ERICH6B: variants seen among roughly 807,000 people sequenced by gnomAD.
ERICH6B encodes the protein glutamate rich 6B.
Under a neutral mutation model 80.0 loss-of-function variants are expected in ERICH6B, and 69 were observed. That is an observed-to-expected ratio of 0.86 (90% CI 0.71 to 1.05). The LOEUF (loss-of-function observed/expected upper bound fraction) is 1.05, where lower values mean the gene tolerates loss of function less well. Among genes scored for constraint, ERICH6B ranks in the 50% least tolerant of loss-of-function variants. The pLI is 0.00. For missense variants in ERICH6B, 754 were observed against 796.1 expected, an observed-to-expected ratio of 0.95 and a Z score of 0.64; for synonymous variants, 283 against 291.9, an observed-to-expected ratio of 0.97 and a Z score of 0.31.
At chr13:45,599,604 GACTT>G (rs2138026913) in intron 2 of ERICH6B, among the ~76,000 whole-genome samples, 1 of 152,228 alleles carries the variant, frequency 6.6e-6, no homozygotes, top group East Asian at 1.9e-4. Context: ...GCAGAGAGAG[GACTT>G]ACTTATTATT....
chr13:45,592,798 T>C (rs1312111790), intron 3 of ERICH6B, among the ~76,000 whole-genome samples: 1 of 152,230 alleles, frequency 6.6e-6, no homozygotes, highest in East Asian at 1.9e-4. Context: ...CTCTACTGCC[T>C]TTCTTCTTGT....
chr13:45,555,806 C>T (rs531683835), intron 11 of ERICH6B, among the ~76,000 whole-genome samples: 14 of 152,094 alleles, frequency 9.2e-5, no homozygotes, highest in African/African-American at 3.1e-4. Flanking sequence ...GAAGCATTTG[C>T]TTCAGAAGCT....
intron 5 of ERICH6B, among the ~76,000 whole-genome samples, chr13:45,581,484 C>T (rs1009665659): frequency 6.6e-6 from 1 of 152,206 alleles, no homozygotes; most frequent in Admixed American, 6.5e-5. Context: ...TCAAGTCATT[C>T]TCCTGCCTCA....
intron 8 of ERICH6B, among the ~76,000 whole-genome samples, chr13:45,572,809 C>T (rs1875230402): frequency 6.6e-6 from 1 of 152,092 alleles, no homozygotes; most frequent in Non-Finnish European, 1.5e-5. Flanking sequence ...AAGACAACAC[C>T]AACTGGCCAG....
chr13:45,565,446 G>A (rs1238838112), intron 9 of ERICH6B, among the ~76,000 whole-genome samples: 1 of 152,198 alleles, frequency 6.6e-6, no homozygotes, highest in African/African-American at 2.4e-5. Flanking sequence ...GAGCATGCCT[G>A]CACCACAGGC....
rs34244794 is a variant in ERICH6B at position 45,577,276 on chromosome 13, C to CTTTTTTTTTTTTTTT, written c.962-2361_962-2347dup. ...TCTCCTGGACTGATTAAAAACAAAT[C>CTTTTTTTTTTTTTTT]TTTTTTTTTTTTTTTTTTTTTTTTT... On this transcript the variant is annotated intron_variant, in intron 7 of 14. Coordinates refer to ENST00000298738, the MANE Select transcript of ERICH6B (RefSeq NM_182542.3). 1.0e-4 allele frequency among the ~76,000 whole-genome samples: 9 copies of CTTTTTTTTTTTTTTT among 86,084 alleles called. 2 individuals carry two copies. Among genetic ancestry groups the CTTTTTTTTTTTTTTT allele is most frequent in the South Asian group, 5.4e-4 (1 of 1,836 alleles). The allele number at this position is 86,084 out of a possible 152,430, so 56.5% of individuals were successfully genotyped here.
chr13:45,543,749 A>G (rs1873879766), intron 14 of ERICH6B, among the ~76,000 whole-genome samples: 1 of 152,206 alleles, frequency 6.6e-6, no homozygotes, highest in African/African-American at 2.4e-5. Context: ...CAGCCCTAAG[A>G]AACAAATACA....
At chr13:45,544,096 G>A (rs1293932696) in intron 14 of ERICH6B, among the ~76,000 whole-genome samples, 1 of 152,190 alleles carries the variant, frequency 6.6e-6, no homozygotes, top group African/African-American at 2.4e-5. Context: ...TTTTGAGATA[G>A]GGTCTGGCTC....
Position 45,544,919 on chromosome 13 carries a change from C to T in ERICH6B, c.1713G>A (p.Trp571Ter), listed in dbSNP as rs901555360. 1.3e-6 allele frequency: 2 copies of T among 1,551,702 alleles called. No homozygotes were observed. The highest frequency in any genetic ancestry group is 1.4e-5 in the African/African-American group (1 of 73,162). ...PKDKRQKAWN[W>*]WNLNIHVHAP... ...CGTGGACATGGATGTTCAGATTCCA[C>T]CAGTTCCAGGCCTTCTGGCGTTTGT... is the stretch of plus-strand genomic sequence containing the variant. The change falls in exon 14 of 15, where the codon TGG (tryptophan) becomes TGA (stop). Residue 571 changes from tryptophan to a stop codon, truncating the protein, a stop_gained. Transcript: ENST00000298738. LOFTEE classifies it high-confidence loss of function.
chr13:45,567,256 G>A (rs553919076), intron 9 of ERICH6B, among the ~76,000 whole-genome samples: 91 of 152,270 alleles, frequency 6.0e-4, no homozygotes, highest in African/African-American at 1.9e-3. Context: ...ATGAGACTTC[G>A]GACTGTAAAC....
intron 11 of ERICH6B, among the ~76,000 whole-genome samples, chr13:45,559,904 A>G (rs183384911): frequency 6.6e-6 from 1 of 152,302 alleles, no homozygotes; most frequent in East Asian, 1.9e-4. Context: ...ATATCTGTTA[A>G]GTCCATTTGT....
intron 11 of ERICH6B, among the ~76,000 whole-genome samples, chr13:45,554,733 TAA>T: frequency 6.6e-6 from 1 of 152,124 alleles, no homozygotes; most frequent in Non-Finnish European, 1.5e-5. Flanking sequence ...AAGTGCAGAG[TAA>T]AGAGACTGTG....
chr13:45,606,547 ATTTTTTT>A lies in ERICH6B; in HGVS notation c.-59+1010_-59+1016del, dbSNP rs71074722. On this transcript the variant is annotated intron_variant, in intron 2 of 14. Coordinates refer to ENST00000298738, the MANE Select transcript of ERICH6B (RefSeq NM_182542.3). Reference sequence around the variant, plus strand: ...TATATATATATATATATATATATATATTTTTTTTTTTTTTTTTTTTTTTGGAGACAGA... The same window carrying A: ...TATATATATATATATATATATATATATTTTTTTTTTTTTTTTGGAGACAGA... Among the ~76,000 whole-genome samples, 118 of 16,464 alleles carry A rather than the reference ATTTTTTT, an allele frequency of 7.2e-3. 1 individual carries two copies. The highest frequency in any genetic ancestry group is 0.015 in the South Asian group (5 of 336). 10.8% of individuals were successfully genotyped at this position (16,464 alleles called of 152,430 possible).
chr13:45,563,851 C>T, intron 9 of ERICH6B, 63 bp from the exon 10 acceptor site: 3 of 1,359,626 alleles, frequency 2.2e-6, no homozygotes, highest in Non-Finnish European at 3.1e-6. Context: ...TGCCATCACA[C>T]ACAGTGCAGA....
chr13:45,606,496 AGTGTATGT>A (rs1240354495), intron 2 of ERICH6B, among the ~76,000 whole-genome samples: 382 of 15,366 alleles, frequency 0.025, 13 homozygotes, highest in African/African-American at 0.078. Context: ...AGATCCCAAA[AGTGTATGT>A]GTATATATAT....
At chr13:45,544,656 G>T in intron 14 of ERICH6B, 104 bp downstream of exon 14, 1 of 964,228 alleles carries the variant, frequency 1.0e-6, no homozygotes. Context: ...GGCATATATA[G>T]AACAAGCCTG....
At chr13:45,582,064 A>G (rs1331684303) in intron 5 of ERICH6B, among the ~76,000 whole-genome samples, 2 of 152,220 alleles carry the variant, frequency 1.3e-5, no homozygotes, top group African/African-American at 4.8e-5. Flanking sequence ...AAATATTTAA[A>G]GTCAGTTTTT....
chr13:45,611,857 T>C (rs1372806376), intron 1 of ERICH6B, among the ~76,000 whole-genome samples: 2 of 152,238 alleles, frequency 1.3e-5, no homozygotes, highest in Non-Finnish European at 2.9e-5. Context: ...GGCACTATAC[T>C]TAGCATGAAT....
chr13:45,556,145 A>G (rs1874426712), intron 11 of ERICH6B, among the ~76,000 whole-genome samples: 1 of 151,676 alleles, frequency 6.6e-6, no homozygotes, highest in South Asian at 2.1e-4. Context: ...CGTGGCTCCT[A>G]AAAATAGCCA....
Sources: allele counts gnomAD v4.1 joint callset (sites outside exome capture counted in the v4.1 genomes callset), GRCh38; gene constraint gnomAD v4.1.1; transcripts MANE v1.5; gene names NCBI Gene and HGNC (gene_info 2026-07-23, HGNC 2026-07-21).